The following ERC2 variants were observed in gnomAD, a reference collection of about 807,000 sequenced individuals.
The protein encoded by ERC2 is ERC protein 2.
A neutral mutation model predicts 114.8 loss-of-function variants in ERC2; 42 were observed. That is an observed-to-expected ratio of 0.37 (90% CI 0.29 to 0.47). The LOEUF is 0.47. ERC2 is among the 20% of genes least tolerant of loss of function. ERC2 has a pLI of 0.99. For missense variants in ERC2, 939 were observed against 1,150.7 expected, an observed-to-expected ratio of 0.82 and a Z score of 2.66; for synonymous variants, 454 against 425.5, an observed-to-expected ratio of 1.07 and a Z score of -0.82.
At chr3:56,387,339 C>T (rs946156941) in intron 2 of ERC2, among the ~76,000 whole-genome samples, 5 of 152,142 alleles carry the variant, frequency 3.3e-5, no homozygotes, top group South Asian at 2.1e-4. Flanking sequence ...TCTGCATAAT[C>T]CTCAAGGATT....
chr3:55,930,263 A>AAATC (rs2065996797), intron 13 of ERC2, among the ~76,000 whole-genome samples: 1 of 152,114 alleles, frequency 6.6e-6, no homozygotes, highest in Non-Finnish European at 1.5e-5. Flanking sequence ...ATAAATAAAT[A>AAATC]AATAAATAAC....
At chr3:56,198,139 T>C (rs2048212687) in intron 3 of ERC2, among the ~76,000 whole-genome samples, 1 of 152,224 alleles carries the variant, frequency 6.6e-6, no homozygotes, top group South Asian at 2.1e-4. Context: ...TTGTCCATTC[T>C]GGACACATAA....
At chr3:56,125,443 C>A (rs1242958797) in intron 6 of ERC2, among the ~76,000 whole-genome samples, 1 of 152,194 alleles carries the variant, frequency 6.6e-6, no homozygotes, top group South Asian at 2.1e-4. Context: ...TGGCCATCAT[C>A]TGTGCCTAGC....
At chr3:55,521,769 T>C (rs1173364807) in intron 17 of ERC2, among the ~76,000 whole-genome samples, 1 of 152,176 alleles carries the variant, frequency 6.6e-6, no homozygotes, top group Non-Finnish European at 1.5e-5. Context: ...GCAGGAAAAG[T>C]AAGCTGCAAA....
At chr3:56,258,645 C>T (rs1475133248) in intron 3 of ERC2, among the ~76,000 whole-genome samples, 3 of 152,192 alleles carry the variant, frequency 2.0e-5, no homozygotes, top group Admixed American at 2.0e-4. Context: ...CACAGCGAGA[C>T]TCCGTCTCAA....
At position 55,806,147 on chromosome 3, in the gene ERC2, C is replaced by T. The variant is rs143875231; in HGVS notation, c.2565-71229G>A. ...GTCAGGAGTTCGACACCAGCCTGAC[C>T]AACATGGTGAAACCCTGTCTCTACT... On this transcript the variant is annotated intron_variant, in intron 14 of 17. Coordinates refer to ENST00000288221, the MANE Select transcript of ERC2 (RefSeq NM_015576.3). Among the ~76,000 whole-genome samples, 808 of 151,976 alleles carry T rather than the reference C, an allele frequency of 5.3e-3. 5 individuals carry two copies. Among genetic ancestry groups the T allele is most frequent in the African/African-American group, 0.019 (767 of 41,456 alleles).
At chr3:55,731,741 A>C (rs1280797184) in intron 15 of ERC2, among the ~76,000 whole-genome samples, 1 of 152,158 alleles carries the variant, frequency 6.6e-6, no homozygotes, top group African/African-American at 2.4e-5. Flanking sequence ...TCAAACCCTC[A>C]GTCTTGTTGG....
chr3:55,918,375 CCTT>C (rs1249664868), intron 13 of ERC2, among the ~76,000 whole-genome samples: 1 of 152,076 alleles, frequency 6.6e-6, no homozygotes, highest in African/African-American at 2.4e-5. Context: ...CGAATATCTT[CCTT>C]CTTAACAATA....
chr3:55,787,477 G>A (rs2069608421), intron 14 of ERC2, among the ~76,000 whole-genome samples: 1 of 152,246 alleles, frequency 6.6e-6, no homozygotes, highest in East Asian at 1.9e-4. Context: ...TGAAAAATAT[G>A]TTGGTTAAGC....
chr3:56,357,281 G>C (rs79928311), intron 2 of ERC2, among the ~76,000 whole-genome samples: 3,612 of 152,310 alleles, frequency 0.024, 56 homozygotes, highest in South Asian at 0.094. Context: ...TTAGAAGCCA[G>C]ACTCTTCCCA....
intron 6 of ERC2, among the ~76,000 whole-genome samples, chr3:56,115,896 G>T (rs1289969787): frequency 1.3e-5 from 2 of 152,120 alleles, no homozygotes; most frequent in Non-Finnish European, 2.9e-5. Flanking sequence ...CCCTCCCCCT[G>T]CTGTAATCCC....
At chr3:55,761,898 T>C (rs1464859550) in intron 14 of ERC2, among the ~76,000 whole-genome samples, 2 of 147,198 alleles carry the variant, frequency 1.4e-5, no homozygotes, top group Non-Finnish European at 3.0e-5. Context: ...AAAAAAAGTA[T>C]GTGGCTTTCT....
intron 17 of ERC2, among the ~76,000 whole-genome samples, chr3:55,600,731 G>C (rs1177163015): frequency 6.6e-6 from 1 of 152,252 alleles, no homozygotes; most frequent in Admixed American, 6.5e-5. Flanking sequence ...GTCCCAGAGA[G>C]CAGGGGAGCT....
chr3:56,285,786 C>A (rs2150334005), intron 3 of ERC2, among the ~76,000 whole-genome samples: 1 of 152,306 alleles, frequency 6.6e-6, no homozygotes, highest in South Asian at 2.1e-4. Context: ...CAGGTCAGTT[C>A]CTTCAAAGCA....
At chr3:55,852,268 G>T (rs1429330287) in intron 14 of ERC2, among the ~76,000 whole-genome samples, 1 of 152,162 alleles carries the variant, frequency 6.6e-6, no homozygotes, top group Non-Finnish European at 1.5e-5. Flanking sequence ...GTGCTTTACA[G>T]TAATTACACC....
chr3:55,842,617 A>T (rs1401700086), intron 14 of ERC2, among the ~76,000 whole-genome samples: 1 of 146,908 alleles, frequency 6.8e-6, no homozygotes, highest in Non-Finnish European at 1.5e-5. Flanking sequence ...TGGGGTGGAA[A>T]TTTTTTTTTT....
chr3:55,605,019 C>T (rs187102300), intron 17 of ERC2, among the ~76,000 whole-genome samples: 1 of 152,184 alleles, frequency 6.6e-6, no homozygotes, highest in Non-Finnish European at 1.5e-5. Flanking sequence ...TGCGAGGATG[C>T]CAGTGGCTCT....
At chr3:55,840,903 C>T (rs1169569603) in intron 14 of ERC2, among the ~76,000 whole-genome samples, 1 of 151,998 alleles carries the variant, frequency 6.6e-6, no homozygotes, top group South Asian at 2.1e-4. Context: ...TTGCAAACTA[C>T]TATATAGCAG....
chr3:55,568,737 A>T (rs559120417), intron 17 of ERC2, among the ~76,000 whole-genome samples: 21 of 152,284 alleles, frequency 1.4e-4, no homozygotes, highest in African/African-American at 5.1e-4. Flanking sequence ...TCCCATTCAG[A>T]TGAAGCCAGC....
Sources: gnomAD v4.1 joint callset for allele counts (sites outside exome capture counted in the v4.1 genomes callset) on GRCh38, gnomAD v4.1.1 for gene constraint, MANE v1.5 for transcripts, NCBI Gene and HGNC (gene_info 2026-07-23, HGNC 2026-07-21) for gene names.